VWC2L: variants seen among roughly 807,000 people sequenced by gnomAD.
VWC2L encodes von Willebrand factor C domain-containing protein 2-like.
In VWC2L, 10 loss-of-function variants were observed where a neutral mutation model predicts 21.6. The observed-to-expected ratio is 0.46, with a 90% CI of 0.29 to 0.78. The LOEUF (loss-of-function observed/expected upper bound fraction) is 0.78. Ranked by LOEUF, VWC2L falls within the 30% of genes least tolerant of loss-of-function variation. The pLI is 0.10. For missense variants in VWC2L, 209 were observed against 277.1 expected (o/e 0.75, Z 1.74); for synonymous variants, 96 against 94.3 (o/e 1.02, Z -0.10).
chr2:214,433,183 TTA>T (rs1409640803), intron 2 of VWC2L, among the ~76,000 whole-genome samples: 2 of 114,074 alleles, frequency 1.8e-5, no homozygotes, highest in East Asian at 3.0e-4. Flanking sequence ...TATATATATA[TTA>T]TATATAAATA....
At chr2:214,525,739 T>G (rs944494147) in intron 3 of VWC2L, among the ~76,000 whole-genome samples, 1 of 152,186 alleles carries the variant, frequency 6.6e-6, no homozygotes, top group Non-Finnish European at 1.5e-5. Context: ...AGGTTAATAG[T>G]CAATGATTGT....
chr2:214,432,708 A>ATTTGGAAT (rs1352985952), intron 2 of VWC2L, among the ~76,000 whole-genome samples: 6 of 152,152 alleles, frequency 3.9e-5, no homozygotes, highest in African/African-American at 1.4e-4. Context: ...CTGGGACAGC[A>ATTTGGAAT]TTTGGAATTG....
chr2:214,470,604 C>T (rs1321018944), intron 3 of VWC2L, among the ~76,000 whole-genome samples: 1 of 151,958 alleles, frequency 6.6e-6, no homozygotes, highest in Non-Finnish European at 1.5e-5. Flanking sequence ...TGTTTGAAAC[C>T]TCCTATTGAA....
At chr2:214,436,044 A>G (rs1702673843) in intron 2 of VWC2L, 1 of 152,092 alleles carries the variant, frequency 6.6e-6, no homozygotes, top group African/African-American at 2.4e-5. Flanking sequence ...GATGAAAGGT[A>G]TTCACTACAT....
At chr2:214,564,235 C>T (rs1690027069) in intron 3 of VWC2L, among the ~76,000 whole-genome samples, 1 of 152,116 alleles carries the variant, frequency 6.6e-6, no homozygotes, top group African/African-American at 2.4e-5. Context: ...TGAAAATGGC[C>T]ATACTACCTA....
At chr2:214,561,204 T>G (rs530860013) in intron 3 of VWC2L, among the ~76,000 whole-genome samples, 1 of 152,172 alleles carries the variant, frequency 6.6e-6, no homozygotes, top group Non-Finnish European at 1.5e-5. Flanking sequence ...AATTTGCCCT[T>G]CAAAGATATC....
At chr2:214,569,906 C>G (rs1052271856) in intron 3 of VWC2L, among the ~76,000 whole-genome samples, 10 of 152,056 alleles carry the variant, frequency 6.6e-5, no homozygotes, top group African/African-American at 2.4e-4. Context: ...AGAGGTGTAA[C>G]CAGGGTGGCT....
intron 3 of VWC2L, among the ~76,000 whole-genome samples, chr2:214,532,172 TA>T (rs1348433840): frequency 6.6e-6 from 1 of 152,070 alleles, no homozygotes; most frequent in Non-Finnish European, 1.5e-5. Flanking sequence ...TCTGATCACA[TA>T]GGAAATGCCT....
intron 3 of VWC2L, among the ~76,000 whole-genome samples, chr2:214,519,448 G>T (rs1689196883): frequency 6.6e-6 from 1 of 152,206 alleles, no homozygotes; most frequent in African/African-American, 2.4e-5. Context: ...AACAAAGATA[G>T]TAGGTACACA....
At chr2:214,466,951 T>TA (rs1185435528) in intron 3 of VWC2L, among the ~76,000 whole-genome samples, 3 of 152,240 alleles carry the variant, frequency 2.0e-5, no homozygotes, top group Non-Finnish European at 4.4e-5. Flanking sequence ...GCATGACTAG[T>TA]AATTTCTAAT....
intron 3 of VWC2L, among the ~76,000 whole-genome samples, chr2:214,505,703 G>A (rs1688958051): frequency 6.6e-6 from 1 of 152,072 alleles, no homozygotes; most frequent in Non-Finnish European, 1.5e-5. Context: ...ATCCTTTATT[G>A]TAGATGATGT....
intron 2 of VWC2L, among the ~76,000 whole-genome samples, chr2:214,432,622 A>G (rs1702616353): frequency 6.6e-6 from 1 of 151,826 alleles, no homozygotes; most frequent in Non-Finnish European, 1.5e-5. Flanking sequence ...CTAAACCAAT[A>G]TTTATGAAAG....
chr2:214,465,415 T>A (rs886511797), intron 3 of VWC2L, among the ~76,000 whole-genome samples: 3 of 152,148 alleles, frequency 2.0e-5, no homozygotes, highest in Admixed American at 6.5e-5. Context: ...TCAGGGTGTG[T>A]CTAGAAATGT....
At chr2:214,557,093 T>G (rs972337166) in intron 3 of VWC2L, among the ~76,000 whole-genome samples, 2 of 152,140 alleles carry the variant, frequency 1.3e-5, no homozygotes, top group Admixed American at 1.3e-4. Flanking sequence ...TATTAAATAA[T>G]GACTATTTGC....
At chr2:214,548,491 C>CA (rs571028963) in intron 3 of VWC2L, among the ~76,000 whole-genome samples, 43 of 152,244 alleles carry the variant, frequency 2.8e-4, no homozygotes, top group African/African-American at 1.0e-3. Flanking sequence ...ACACTGCCTA[C>CA]AAATTGAAAG....
intron 3 of VWC2L, among the ~76,000 whole-genome samples, chr2:214,509,913 G>T (rs1382578677): frequency 6.6e-6 from 1 of 152,096 alleles, no homozygotes; most frequent in East Asian, 1.9e-4. Flanking sequence ...AAACAAGTTT[G>T]ATCAGAATGC....
rs1185677379 is a variant in VWC2L, at chr2:214,411,415, G to T, written c.-452G>T. The T allele has an allele frequency of 6.6e-6, 1 of 152,218 alleles. No individual in the cohort carries two copies. Among genetic ancestry groups the T allele is most frequent in the East Asian group, 1.9e-4 (1 of 5,200 alleles). 9.4% of individuals were successfully genotyped at this position (152,218 alleles called of 1,614,324 possible). A position where few individuals can be genotyped will look rare whatever the true frequency, so the allele number is the denominator to read the frequency against. ...CACTGTGTAAGTGAACTCATGTGTG[G>T]AGGAGGCGTAATCAGCCGGGAAATT... On this transcript the variant is annotated 5_prime_UTR_variant, in exon 1 of 4. Coordinates refer to ENST00000312504, the MANE Select transcript of VWC2L (RefSeq NM_001080500.4).
At chr2:214,513,814 T>C (rs930797291) in intron 3 of VWC2L, among the ~76,000 whole-genome samples, 1 of 152,044 alleles carries the variant, frequency 6.6e-6, no homozygotes, top group Non-Finnish European at 1.5e-5. Context: ...AAGTGCTCAG[T>C]CTCTAGTTCA....
chr2:214,507,113 T>A (rs1398455284), intron 3 of VWC2L, among the ~76,000 whole-genome samples: 2 of 152,158 alleles, frequency 1.3e-5, no homozygotes, highest in African/African-American at 4.8e-5. Flanking sequence ...TAAAATATTT[T>A]TAAAATATGT....
Sources: allele counts gnomAD v4.1 joint callset (sites outside exome capture counted in the v4.1 genomes callset), GRCh38; gene constraint gnomAD v4.1.1; transcripts MANE v1.5; gene names NCBI Gene and HGNC (gene_info 2026-07-23, HGNC 2026-07-21).